The following MIA3 variants were observed in gnomAD, a reference collection of about 807,000 sequenced individuals.
The protein encoded by MIA3 is transport and Golgi organization protein 1 homolog.
In MIA3, 90 loss-of-function variants were observed where a neutral mutation model predicts 192.4. The observed-to-expected ratio is 0.47, with a 90% CI of 0.39 to 0.56. The LOEUF (loss-of-function observed/expected upper bound fraction) is 0.56. MIA3 is among the 20% of genes least tolerant of loss of function. The probability of loss-of-function intolerance (pLI) is 0.00; values close to 1 mark genes in which losing one functional copy is unlikely to be tolerated. For missense variants in MIA3, 2,123 were observed against 2,269.4 expected (o/e 0.94, Z 1.31); for synonymous variants, 740 against 792.8 (o/e 0.93, Z 1.12).
chr1:222,660,213 CT>C lies in MIA3; in HGVS notation c.5013del (p.Val1672Ter). ...CAGAATGGCTCTTTTGGCCCATCCC[CT>C]GTGAGTGGTGGAGAATGCTCCCCTC... ...LSQNGSFGPS[P>X]VSGGECSPPL... On this transcript the variant is annotated frameshift_variant, in exon 24 of 28. Transcript: ENST00000344922. LOFTEE classifies it high-confidence loss of function. The C allele has an allele frequency of 6.2e-7, 1 of 1,614,054 alleles. No homozygotes were observed. The highest frequency in any genetic ancestry group is 8.5e-7 in the Non-Finnish European group (1 of 1,179,934).
chr1:222,651,212 T>A (rs953115517), intron 11 of MIA3, among the ~76,000 whole-genome samples: 5 of 98,266 alleles, frequency 5.1e-5, no homozygotes, highest in African/African-American at 9.8e-5. Context: ...TTTTGCAAAG[T>A]TTTTTTTTTT....
At chr1:222,664,572 A>G (rs1664184732) in intron 27 of MIA3, among the ~76,000 whole-genome samples, 1 of 152,200 alleles carries the variant, frequency 6.6e-6, no homozygotes, top group African/African-American at 2.4e-5. Context: ...TTAAGGAAAG[A>G]CAAAACCCTC....
At position 222,653,273 on chromosome 1, in the gene MIA3, T is replaced by A. The variant is rs1663538769; in HGVS notation, c.4255T>A (p.Ser1419Thr). The change falls in exon 15 of 28, where the codon TCT (serine) becomes ACT (threonine). Residue 1419 changes from serine (S) to threonine (T), a missense_variant. Transcript: ENST00000344922. ...ITQLNLLECE[S>T]ESEGQNKGGN... Reference sequence around the variant, plus strand: ...ACAGTTGAATCTGTTAGAGTGTGAATCTGAATCTGAGGGTCAAAATAAAGG... The same window carrying A: ...ACAGTTGAATCTGTTAGAGTGTGAAACTGAATCTGAGGGTCAAAATAAAGG... 2 of 1,614,010 alleles carry A rather than the reference T, an allele frequency of 1.2e-6. No homozygotes were observed. Among genetic ancestry groups the A allele is most frequent in the East Asian group, 2.2e-5 (1 of 44,884 alleles).
intron 6 of MIA3, among the ~76,000 whole-genome samples, chr1:222,634,476 A>G (rs1348773422): frequency 6.6e-6 from 1 of 152,222 alleles, no homozygotes; most frequent in Admixed American, 6.5e-5. Context: ...AGGGATTGTC[A>G]GGTCTGTTTC....
At chr1:222,658,694 C>A (rs780184726) in intron 18 of MIA3, 28 bp from the exon 19 acceptor site, 1 of 1,532,128 alleles carries the variant, frequency 6.5e-7, no homozygotes, top group Non-Finnish European at 8.9e-7. Flanking sequence ...AAGAGAAACA[C>A]TTTCATTGAC....
rs1053447750 is a variant in MIA3, at chr1:222,659,603, G to A, written c.4771-19G>A. 9.3e-6 allele frequency: 15 copies of A among 1,613,454 alleles called. No individual in the cohort carries two copies. The highest frequency in any genetic ancestry group is 1.1e-5 in the Non-Finnish European group (13 of 1,179,674). On this transcript the variant is annotated intron_variant, in intron 20 of 27. Coordinates refer to ENST00000344922, the MANE Select transcript of MIA3 (RefSeq NM_198551.4). ...TAATGAATCTGTATGCATATTTTGT[G>A]ATGTATTATCTTTTTCAGATCGCTA...
Position 222,629,206 on chromosome 1 carries a change from T to C in MIA3, c.1986T>C (p.Asp662=). Residue 662 remains aspartate, a synonymous_variant, in exon 4 of 28, where the codon GAT becomes GAC. Transcript: ENST00000344922. ...GRNLPWQQER[D]VAATASKQMS... ...ATCTTCCCTGGCAACAAGAAAGAGA[T>C]GTGGCTGCCACAGCCAGTAAGCAAA... 1 of 1,614,180 alleles carries C rather than the reference T, an allele frequency of 6.2e-7. No homozygotes were observed. The highest frequency in any genetic ancestry group is 8.5e-7 in the Non-Finnish European group (1 of 1,180,030).
chr1:222,629,714 G>A lies in MIA3; in HGVS notation c.2494G>A (p.Asp832Asn). The change falls in exon 4 of 28, where the codon GAC becomes AAC. Residue 832 changes from aspartate (D) to asparagine (N), a missense_variant. This residue lies in a region of MIA3 where 1,357 missense variants were observed against 1,396.1 expected (regional missense o/e 0.97). Coordinates refer to ENST00000344922, the MANE Select transcript of MIA3 (RefSeq NM_198551.4). Reference sequence around the variant, plus strand: ...ACCATTTGAACGAAGTGACTTTTCTGACAGCATAAAAATTCAGACTCCAGA... The same window carrying A: ...ACCATTTGAACGAAGTGACTTTTCTAACAGCATAAAAATTCAGACTCCAGA... ...QRPFERSDFSDSIKIQTPELG... is the reference protein window; with the variant it reads ...QRPFERSDFSNSIKIQTPELG... 6.2e-7 allele frequency: 1 copy of A among 1,614,156 alleles called. No individual in the cohort carries two copies. The highest frequency in any genetic ancestry group is 8.5e-7 in the Non-Finnish European group (1 of 1,180,018).
In MIA3 at chr1:222,632,316, C is replaced by T; in HGVS notation, c.3321C>T (p.Asp1107=). 6.2e-7 allele frequency: 1 copy of T among 1,612,572 alleles called. No homozygotes were observed. Among genetic ancestry groups the T allele is most frequent in the Non-Finnish European group, 8.5e-7 (1 of 1,179,504 alleles). Residue 1107 remains aspartate (D), a synonymous_variant, in exon 5 of 28, where the codon GAC becomes GAT. Transcript: ENST00000344922. ...CACAGAAGCCAAATACTGAGAAAGA[C>T]CTGGACCCAGGTAAAGCCTGCTAAT... is the stretch of plus-strand genomic sequence containing the variant. The part of the protein sequence containing the change: ...EVSQKPNTEK[D]LDPGPVTTED...
intron 18 of MIA3, among the ~76,000 whole-genome samples, chr1:222,656,806 A>C (rs960848687): frequency 6.6e-6 from 1 of 152,134 alleles, no homozygotes. Flanking sequence ...CTATCTTCCA[A>C]TGTGCTAAAA....
At chr1:222,618,875 G>A (rs1452261201) in intron 1 of MIA3, among the ~76,000 whole-genome samples, 2 of 152,194 alleles carry the variant, frequency 1.3e-5, no homozygotes, top group Non-Finnish European at 2.9e-5. Context: ...GGTTTGGGAC[G>A]AGTCTGGAGT....
intron 4 of MIA3, among the ~76,000 whole-genome samples, chr1:222,631,271 A>C (rs1254684540): frequency 6.6e-6 from 1 of 152,008 alleles, no homozygotes; most frequent in African/African-American, 2.4e-5. Context: ...ACAGGCATGC[A>C]TCACTGTGCC....
At position 222,650,354 on chromosome 1, in the gene MIA3, C is replaced by A. The variant is rs1365682068; in HGVS notation, c.3694C>A (p.Gln1232Lys). Residue 1232 changes from glutamine (Q) to lysine (K), a missense_variant, in exon 9 of 28, where the codon CAA (glutamine) becomes AAA (lysine). Transcript: ENST00000344922. ...TIMKENTELV[Q>K]KLSNYEQKIK... ...CATGAAAGAAAATACAGAACTTGTA[C>A]AAAAATTGTCAAATTATGAACAGAA... 1 of 1,583,954 alleles carries A rather than the reference C, an allele frequency of 6.3e-7. No homozygotes were observed. Among genetic ancestry groups the A allele is most frequent in the South Asian group, 1.1e-5 (1 of 88,902 alleles).
chr1:222,625,917 T>G (rs1427236429), intron 3 of MIA3, among the ~76,000 whole-genome samples: 2 of 152,212 alleles, frequency 1.3e-5, no homozygotes, highest in East Asian at 3.9e-4. Context: ...TTTTGTGTTT[T>G]TAGTAGGAAC....
At chr1:222,640,256 A>G (rs900980716) in intron 6 of MIA3, among the ~76,000 whole-genome samples, 12 of 152,148 alleles carry the variant, frequency 7.9e-5, no homozygotes, top group Non-Finnish European at 1.5e-4. Context: ...AAGCTCCCCA[A>G]TTTGATCACT....
At chr1:222,662,400 T>C in intron 26 of MIA3, 68 bp downstream of exon 26, 2 of 1,584,568 alleles carry the variant, frequency 1.3e-6, no homozygotes, top group Non-Finnish European at 1.7e-6. Context: ...ACTCTCTCTT[T>C]GCCTCATCTC....
rs530219574 is a variant in MIA3 at position 222,644,416 on chromosome 1, A to AACAGGGGGC, written c.3478-1137_3478-1129dup. 1,647 of 1,544,480 alleles carry AACAGGGGGC rather than the reference A, an allele frequency of 1.1e-3. 23 individuals carry two copies. The South Asian group carries it at 0.012, about 11-fold the overall frequency. On this transcript the variant is annotated intron_variant, in intron 6 of 27. Transcript: ENST00000344922. The stretch of plus-strand genomic sequence containing the variant: ...CTTTCCGGAGGAGGAAGCTCTGAAA[A>AACAGGGGGC]ACAGGGGGCCCAGTGCCATTCCGCA...
rs192553686 is a variant in MIA3, at chr1:222,666,864, G to A, written c.*1245G>A. ...AATGTTTCTTTAAATACTCTACAAC[G>A]TTTCTAAGAACGAACTTCAGACATT... On this transcript the variant is annotated 3_prime_UTR_variant, in exon 28 of 28. Transcript: ENST00000344922. 5 of 152,034 alleles carry A rather than the reference G, an allele frequency of 3.3e-5. No individual in the cohort carries two copies. The highest frequency in any genetic ancestry group is 7.2e-5 in the African/African-American group (3 of 41,444). The allele number at this position is 152,034 out of a possible 1,614,324, so 9.4% of individuals were successfully genotyped here.
Position 222,628,764 on chromosome 1 carries a change from A to G in MIA3, c.1544A>G (p.Asp515Gly), listed in dbSNP as rs774663838. 6.2e-7 allele frequency: 1 copy of G among 1,614,016 alleles called. No homozygotes were observed. The highest frequency in any genetic ancestry group is 8.5e-7 in the Non-Finnish European group (1 of 1,180,038). The change falls in exon 4 of 28, where the codon GAC becomes GGC. Residue 515 changes from aspartate (D) to glycine (G), a missense_variant. Physicochemically the swap from Asp to Gly is moderately conservative, Grantham distance 94. Coordinates refer to ENST00000344922, the MANE Select transcript of MIA3 (RefSeq NM_198551.4). Reference sequence around the variant, plus strand: ...ATGCCAGCTGCTGAAAAGGGTAAAGACACATTAAAATCAGCTTATGATGAT... The same window carrying G: ...ATGCCAGCTGCTGAAAAGGGTAAAGGCACATTAAAATCAGCTTATGATGAT... ...NSMPAAEKGK[D>G]TLKSAYDDTE... is the part of the protein sequence containing the mutation.
Sources: gnomAD v4.1 joint callset for allele counts (sites outside exome capture counted in the v4.1 genomes callset) on GRCh38, gnomAD v4.1.1 for gene constraint, gnomAD v4.1.1 regional missense constraint, MANE v1.5 for transcripts, NCBI Gene and HGNC (gene_info 2026-07-23, HGNC 2026-07-21) for gene names.